Variants in UGT2B10 observed in about 807,000 individuals in gnomAD.
UGT2B10 encodes UDP glucuronosyltransferase family 2 member B10, also known as UDP-glucuronosyltransferase 2B10.
In UGT2B10, 51 loss-of-function variants were observed where a neutral mutation model predicts 43.7. That is an observed-to-expected ratio of 1.17 (90% confidence interval 0.93 to 1.47). The LOEUF is 1.47. UGT2B10 is among the 40% of genes most tolerant of loss of function. The pLI is 0.00. For missense variants in UGT2B10, 696 were observed against 617.7 expected, an observed-to-expected ratio of 1.13 and a Z score of -1.34; for synonymous variants, 225 against 209.0, an observed-to-expected ratio of 1.08 and a Z score of -0.66.
intron 5 of UGT2B10, among the ~76,000 whole-genome samples, 164 bp downstream of exon 5, chr4:68,827,712 T>G (rs1407428741): frequency 5.9e-5 from 9 of 152,050 alleles, no homozygotes; most frequent in Admixed American, 2.0e-4. Context: ...ATTTAAAAAT[T>G]GTATTTGAAC....
At chr4:68,827,652 A>C (rs71615096) in intron 5 of UGT2B10, 104 bp downstream of exon 5, 2 of 1,523,124 alleles carry the variant, frequency 1.3e-6, no homozygotes, top group Non-Finnish European at 8.8e-7. Context: ...ATTTTGAAAG[A>C]ATTTAAATGA....
intron 3 of UGT2B10, among the ~76,000 whole-genome samples, 184 bp from the exon 4 acceptor site, chr4:68,826,226 T>G (rs960763287): frequency 1.3e-5 from 2 of 152,174 alleles, no homozygotes; most frequent in African/African-American, 4.8e-5. Flanking sequence ...AATAATGGTT[T>G]CTTATATACC....
chr4:68,829,073 G>C (rs4116825), intron 5 of UGT2B10, among the ~76,000 whole-genome samples: 1 of 151,902 alleles, frequency 6.6e-6, no homozygotes, highest in South Asian at 2.1e-4. Context: ...TAGAAGAGTG[G>C]TCATGACAGA....
chr4:68,830,873 G>A lies in UGT2B10; in HGVS notation c.1581G>A (p.Arg527=). 3 of 1,612,622 alleles carry A rather than the reference G, an allele frequency of 1.9e-6. No individual in the cohort carries two copies. Among genetic ancestry groups the A allele is most frequent in the Non-Finnish European group, 2.5e-6 (3 of 1,179,226 alleles). The change falls in exon 6 of 6, where the codon AGG becomes AGA. Residue 527 remains arginine, a synonymous_variant. Coordinates refer to ENST00000265403, the MANE Select transcript of UGT2B10 (RefSeq NM_001075.6). ...KFARKGKKGK[R]D is the part of the protein sequence containing the mutation. Reference sequence around the variant, plus strand: ...CTAGAAAAGGAAAGAAGGGAAAAAGGGATTAGTTATATCTGAGATTTGAAG... The same window carrying A: ...CTAGAAAAGGAAAGAAGGGAAAAAGAGATTAGTTATATCTGAGATTTGAAG...
At chr4:68,827,966 G>A (rs1384876438) in intron 5 of UGT2B10, among the ~76,000 whole-genome samples, 1 of 151,750 alleles carries the variant, frequency 6.6e-6, no homozygotes, top group African/African-American at 2.4e-5. Flanking sequence ...TATTGTAACA[G>A]ACTTGAAAAT....
chr4:68,821,102 A>G (rs895211177), intron 2 of UGT2B10, among the ~76,000 whole-genome samples: 1 of 152,186 alleles, frequency 6.6e-6, no homozygotes, highest in Non-Finnish European at 1.5e-5. Flanking sequence ...CGTTAACTTA[A>G]GATTACAAAT....
intron 2 of UGT2B10, among the ~76,000 whole-genome samples, chr4:68,818,450 G>A (rs1355065688): frequency 1.3e-5 from 2 of 151,698 alleles, no homozygotes; most frequent in African/African-American, 4.8e-5. Flanking sequence ...GAAGGTATTG[G>A]TCATTCATTC....
intron 4 of UGT2B10, 102 bp from the exon 5 acceptor site, chr4:68,827,227 G>A (rs1202336931): frequency 9.6e-6 from 15 of 1,567,242 alleles, no homozygotes; most frequent in African/African-American, 1.4e-5. Context: ...TAGCAAATTA[G>A]TTCAGTGTGT....
chr4:68,828,912 AT>A (rs11347207), intron 5 of UGT2B10, among the ~76,000 whole-genome samples: 3,080 of 152,118 alleles, frequency 0.02, 120 homozygotes, highest in African/African-American at 0.07. Context: ...TATTACTAAA[AT>A]ATCTTTAAAT....
chr4:68,829,645 C>T (rs1349258824), intron 5 of UGT2B10, among the ~76,000 whole-genome samples: 34 of 151,770 alleles, frequency 2.2e-4, no homozygotes, highest in African/African-American at 4.3e-4. Context: ...AGAGGGAAGC[C>T]ACAAAAAGGG....
At chr4:68,822,812 C>A (rs557171245) in intron 3 of UGT2B10, among the ~76,000 whole-genome samples, 10 of 152,172 alleles carry the variant, frequency 6.6e-5, no homozygotes, top group African/African-American at 2.2e-4. Context: ...GTGTTTTCAA[C>A]TAAAAATATA....
In UGT2B10 at chr4:68,818,189, T is replaced by A. The variant is rs774393358; in HGVS notation, c.867+12T>A. ...AACCCCTACCTAAGGTAAACATACT[T>A]TCGTTGGTTTTATTTTGTTGGCTTC... On this transcript the variant is annotated intron_variant, in intron 2 of 5. Coordinates refer to ENST00000265403, the MANE Select transcript of UGT2B10 (RefSeq NM_001075.6). The A allele has an allele frequency of 1.2e-6, 2 of 1,606,422 alleles. No homozygotes were observed. The highest frequency in any genetic ancestry group is 8.5e-7 in the Non-Finnish European group (1 of 1,176,928).
chr4:68,831,101 AT>A lies in UGT2B10; in HGVS notation c.*223del. The stretch of plus-strand genomic sequence containing the variant: ...AAGAAAACACTAGGGGAAATAAAAA[AT>A]AATATAAAGCCATATGAGCTTGTAT... On this transcript the variant is annotated 3_prime_UTR_variant, in exon 6 of 6. Transcript: ENST00000265403. 1 of 596,212 alleles carries A rather than the reference AT, an allele frequency of 1.7e-6. No individual in the cohort carries two copies. The highest frequency in any genetic ancestry group is 2.8e-6 in the Non-Finnish European group (1 of 356,880). The allele number at this position is 596,212 out of a possible 1,614,324, so 36.9% of individuals were successfully genotyped here. A position where few individuals can be genotyped will look rare whatever the true frequency, so the allele number is the denominator to read the frequency against.
Position 68,816,531 on chromosome 4 carries a change from A to G in UGT2B10, c.512A>G (p.His171Arg), listed in dbSNP as rs754545207. 5.0e-5 allele frequency: 80 copies of G among 1,613,038 alleles called. No homozygotes were observed. Among genetic ancestry groups the G allele is most frequent in the Non-Finnish European group, 5.8e-5 (68 of 1,179,370 alleles). Residue 171 changes from histidine (H) to arginine (R), a missense_variant, in exon 1 of 6, where the codon CAC becomes CGC. By Grantham distance (29) the His-to-Arg change is conservative. Coordinates refer to ENST00000265403, the MANE Select transcript of UGT2B10 (RefSeq NM_001075.6). ...ELFNIPFVYSHSFSPGYSFER... is the reference protein window; with the variant it reads ...ELFNIPFVYSRSFSPGYSFER... ...TTTAACATACCCTTTGTGTACAGTC[A>G]CAGCTTCAGTCCTGGCTACTCATTT... is the stretch of plus-strand genomic sequence containing the variant.
Position 68,830,922 on chromosome 4 carries a change from T to C in UGT2B10, c.*43T>C, listed in dbSNP as rs1560422891. 5.7e-6 allele frequency: 9 copies of C among 1,581,252 alleles called. No individual in the cohort carries two copies. Among genetic ancestry groups the C allele is most frequent in the Non-Finnish European group, 7.7e-6 (9 of 1,164,426 alleles). ...AGCTGGAAAACCTGATAGATAGGAA[T>C]ACTTCAGTTGATTCCAGCAATAAAT... On this transcript the variant is annotated 3_prime_UTR_variant, in exon 6 of 6. Coordinates refer to ENST00000265403, the MANE Select transcript of UGT2B10 (RefSeq NM_001075.6).
In UGT2B10 at chr4:68,830,719, G is replaced by A. The variant is rs372383424; in HGVS notation, c.1427G>A (p.Arg476Gln). The A allele has an allele frequency of 3.7e-6, 6 of 1,613,270 alleles. No individual in the cohort carries two copies. The African/African-American group carries it at 4.0e-5, about 11-fold the overall frequency. ...VMRHKGAKHL[R>Q]VAAHNLTWFQ... ...CGCCACAAAGGAGCCAAACATCTTC[G>A]AGTTGCAGCCCACAACCTCACCTGG... Residue 476 changes from arginine (R) to glutamine (Q), a missense_variant, in exon 6 of 6, where the codon CGA becomes CAA. Arg to Gln is a conservative substitution (Grantham distance 43). Coordinates refer to ENST00000265403, the MANE Select transcript of UGT2B10 (RefSeq NM_001075.6).
rs1737857942 is a variant in UGT2B10 at position 68,827,550 on chromosome 4, T to C, written c.1307+2T>C. The C allele has an allele frequency of 6.2e-7, 1 of 1,613,024 alleles. No homozygotes were observed. The highest frequency in any genetic ancestry group is 1.7e-5 in the Admixed American group (1 of 59,936). On this transcript the variant is annotated splice_donor_variant, in intron 5 of 5. Coordinates refer to ENST00000265403, the MANE Select transcript of UGT2B10 (RefSeq NM_001075.6). LOFTEE classifies it high-confidence loss of function. ...GAAGACAGTAATTAATGATCCTTCG[T>C]GAGTAGAACAATATTTTTCACTAGA...
chr4:68,821,049 G>C (rs143467436), intron 2 of UGT2B10, among the ~76,000 whole-genome samples: 2,185 of 152,162 alleles, frequency 0.014, 33 homozygotes, highest in Non-Finnish European at 0.02. Context: ...ACAATACCTA[G>C]ATGCCCCAAG....
At chr4:68,817,160 T>C (rs1380936772) in intron 1 of UGT2B10, among the ~76,000 whole-genome samples, 5 of 151,848 alleles carry the variant, frequency 3.3e-5, no homozygotes, top group Non-Finnish European at 1.5e-5. Flanking sequence ...ATCTCAGTTG[T>C]CTTATTTAGA....
Sources: gnomAD v4.1 joint callset for allele counts (sites outside exome capture counted in the v4.1 genomes callset) on GRCh38, gnomAD v4.1.1 for gene constraint, MANE v1.5 for transcripts, NCBI Gene and HGNC (gene_info 2026-07-23, HGNC 2026-07-21) for gene names.